Variants in TRAK2 observed in about 807,000 individuals in gnomAD.
TRAK2 encodes trafficking kinesin protein 2, also known as trafficking kinesin-binding protein 2.
Under a neutral mutation model 104.6 loss-of-function variants are expected in TRAK2, and 81 were observed. The ratio of observed to expected loss-of-function variants is 0.77; its 90% CI spans 0.65 to 0.93. The LOEUF (loss-of-function observed/expected upper bound fraction) is 0.93. Among genes scored for constraint, TRAK2 ranks in the 40% least tolerant of loss-of-function variants. The pLI is 0.00. For synonymous variants in TRAK2, 406 were observed against 394.4 expected (o/e 1.03, Z -0.35); for missense variants, 1,002 against 1,089.0 (o/e 0.92, Z 1.12).
At chr2:201,433,860 C>T (rs7597785) in intron 1 of TRAK2, among the ~76,000 whole-genome samples, 4,303 of 152,332 alleles carry the variant, frequency 0.028, 167 homozygotes, top group South Asian at 0.18. Context: ...CAATCCTCTG[C>T]CAAAACCATT....
Position 201,407,517 on chromosome 2 carries a change from C to T in TRAK2, c.172G>A (p.Val58Ile). Residue 58 changes from valine (V) to isoleucine (I), a missense_variant, in exon 3 of 16, where the codon GTA becomes ATA. By Grantham distance (29) the Val-to-Ile change is conservative. Coordinates refer to ENST00000332624, the MANE Select transcript of TRAK2 (RefSeq NM_015049.3). ...TTTTCATATAGAAAGAGAGTGTCTACTTTTAGCCTATACTGTGGTAGTTGT... is the reference window on the plus strand; with the variant it reads ...TTTTCATATAGAAAGAGAGTGTCTATTTTTAGCCTATACTGTGGTAGTTGT... ...EEQLPQYRLKVDTLFLYENQD... is the reference protein window; with the variant it reads ...EEQLPQYRLKIDTLFLYENQD... The T allele has an allele frequency of 6.2e-7, 1 of 1,614,126 alleles. No homozygotes were observed. Among genetic ancestry groups the T allele is most frequent in the East Asian group, 2.2e-5 (1 of 44,880 alleles).
chr2:201,437,890 CAG>C (rs749237437), intron 1 of TRAK2, among the ~76,000 whole-genome samples: 9 of 152,186 alleles, frequency 5.9e-5, no homozygotes, highest in Non-Finnish European at 1.2e-4. Context: ...GTTTTTCATG[CAG>C]ACTTTCTTAT....
chr2:201,392,763 G>A, intron 10 of TRAK2, 146 bp downstream of exon 10: 2 of 711,668 alleles, frequency 2.8e-6, no homozygotes, highest in South Asian at 4.3e-5. Flanking sequence ...ATACAAATTA[G>A]GGCCTAAATC....
In TRAK2 at chr2:201,420,427, C is replaced by T. The variant is rs147712080; in HGVS notation, c.81G>A (p.Glu27=). 3.6e-5 allele frequency: 58 copies of T among 1,613,808 alleles called. No individual in the cohort carries two copies. The African/African-American group carries it at 7.1e-4, about 20-fold the overall frequency. The part of the protein sequence containing the change: ...NLMNSNHRDS[E]SITDVCSNED... ...TTAAACTGGACTTACCAGTGATGCT[C>T]TCCGAGTCTCTGTGATTGCTATTCA... The change falls in exon 2 of 16, where the codon GAG becomes GAA. Residue 27 remains glutamate (E), a synonymous_variant. Coordinates refer to ENST00000332624, the MANE Select transcript of TRAK2 (RefSeq NM_015049.3).
intron 10 of TRAK2, among the ~76,000 whole-genome samples, chr2:201,392,420 T>C (rs935762722): frequency 2.0e-5 from 3 of 152,152 alleles, no homozygotes; most frequent in Non-Finnish European, 2.9e-5. Context: ...AATTCTAATA[T>C]AAACTCAGAA....
chr2:201,432,111 G>A (rs1951847028), intron 1 of TRAK2, among the ~76,000 whole-genome samples: 1 of 152,098 alleles, frequency 6.6e-6, no homozygotes. Flanking sequence ...ACAATGTTGG[G>A]CACAATCTAC....
intron 10 of TRAK2, among the ~76,000 whole-genome samples, chr2:201,390,167 C>CA (rs2125642691): frequency 1.3e-5 from 2 of 152,192 alleles, no homozygotes; most frequent in African/African-American, 4.8e-5. Flanking sequence ...CCAGTGTTGA[C>CA]AGTGATGCTG....
chr2:201,419,927 G>A (rs1313283481), intron 2 of TRAK2, among the ~76,000 whole-genome samples: 2 of 152,326 alleles, frequency 1.3e-5, no homozygotes, highest in African/African-American at 4.8e-5. Flanking sequence ...TCTAGAAACA[G>A]CCAAAGTCTG....
At chr2:201,384,001 G>T in intron 15 of TRAK2, 110 bp downstream of exon 15, 1 of 741,406 alleles carries the variant, frequency 1.3e-6, no homozygotes, top group Non-Finnish European at 2.3e-6. Flanking sequence ...CATTATCACA[G>T]AACATTAATT....
chr2:201,394,755 ACT>A (rs748755777), intron 9 of TRAK2, 41 bp downstream of exon 9: 1 of 1,460,338 alleles, frequency 6.8e-7, no homozygotes, highest in East Asian at 2.3e-5. Context: ...GAAACTAGTC[ACT>A]CTTTCCCCTC....
intron 1 of TRAK2, among the ~76,000 whole-genome samples, chr2:201,450,808 T>G: frequency 6.6e-6 from 1 of 152,192 alleles, no homozygotes; most frequent in Admixed American, 6.5e-5. Context: ...ATTCAATTTT[T>G]GGGCTGCTAC....
intron 3 of TRAK2, among the ~76,000 whole-genome samples, chr2:201,402,197 G>C (rs914516516): frequency 2.6e-5 from 4 of 152,012 alleles, no homozygotes; most frequent in Non-Finnish European, 5.9e-5. Flanking sequence ...AGAACTGGTA[G>C]GTATGAAATG....
At chr2:201,432,759 A>G (rs1951852217) in intron 1 of TRAK2, among the ~76,000 whole-genome samples, 1 of 152,232 alleles carries the variant, frequency 6.6e-6, no homozygotes, top group Non-Finnish European at 1.5e-5. Context: ...GAAGGCTAAA[A>G]CAACTCTGGG....
At chr2:201,410,502 C>T in intron 2 of TRAK2, 1 of 849,050 alleles carries the variant, frequency 1.2e-6, no homozygotes, top group Non-Finnish European at 1.9e-6. Context: ...TAAATCAGCT[C>T]ACCCATGATT....
Position 201,447,094 on chromosome 2 carries a change from T to C in TRAK2, c.-200+4256A>G, listed in dbSNP as rs1951970608. On this transcript the variant is annotated intron_variant, in intron 1 of 15. Coordinates refer to ENST00000332624, the MANE Select transcript of TRAK2 (RefSeq NM_015049.3). This position sits in a 1 kb window ranked among gnomAD's most constrained non-coding sequence, Gnocchi z 4.1. ...ACCTTGGTTACCTTGTCTCCGGTCT[T>C]ATTACCTTTCATTTATCCTTTACAA... Among the ~76,000 whole-genome samples the C allele has an allele frequency of 6.6e-6, 1 of 152,238 alleles. No homozygotes were observed. Among genetic ancestry groups the C allele is most frequent in the Non-Finnish European group, 1.5e-5 (1 of 68,040 alleles).
chr2:201,407,644 T>C (rs1951607431), intron 2 of TRAK2, 47 bp from the exon 3 acceptor site: 1 of 1,500,488 alleles, frequency 6.7e-7, no homozygotes, highest in Admixed American at 2.2e-5. Flanking sequence ...TTTCAACTTT[T>C]ACTAGGCTAC....
In TRAK2 at chr2:201,379,723, A is replaced by C. The variant is rs1951321188; in HGVS notation, c.*820T>G. On this transcript the variant is annotated 3_prime_UTR_variant, in exon 16 of 16. Transcript: ENST00000332624. ...TATTCCTTGGCTACTGTACTTATTC[A>C]GACGAAATATTCTAAAAACAAGTTT... is the stretch of plus-strand genomic sequence containing the variant. 2 of 152,652 alleles carry C rather than the reference A, an allele frequency of 1.3e-5. No homozygotes were observed. The highest frequency in any genetic ancestry group is 4.2e-4 in the South Asian group (2 of 4,818). 9.5% of individuals were successfully genotyped at this position (152,652 alleles called of 1,614,324 possible). A position where few individuals can be genotyped will look rare whatever the true frequency, so the allele number is the denominator to read the frequency against.
chr2:201,397,616 T>C (rs1473971002), intron 6 of TRAK2, 36 bp from the exon 7 acceptor site: 2 of 1,386,168 alleles, frequency 1.4e-6, no homozygotes, highest in East Asian at 2.3e-5. Flanking sequence ...CAATACCTTC[T>C]AGTGATTTTA....
rs550842220 is a variant in TRAK2 at position 201,388,092 on chromosome 2, C to G, written c.1398-91G>C. 3.7e-6 allele frequency: 5 copies of G among 1,339,404 alleles called. No homozygotes were observed. The East Asian group carries it at 1.2e-4, about 31-fold the overall frequency. 83.0% of individuals were successfully genotyped at this position (1,339,404 alleles called of 1,614,324 possible). A position where few individuals can be genotyped will look rare whatever the true frequency, so the allele number is the denominator to read the frequency against. On this transcript the variant is annotated intron_variant, in intron 12 of 15. Transcript: ENST00000332624. Reference sequence around the variant, plus strand: ...TCTATAATGGTAAGCATTCAAGAGACTGATATTAAAAACATGATATTTTCC... The same window carrying G: ...TCTATAATGGTAAGCATTCAAGAGAGTGATATTAAAAACATGATATTTTCC...
Sources: allele counts gnomAD v4.1 joint callset (sites outside exome capture counted in the v4.1 genomes callset), GRCh38; gene constraint gnomAD v4.1.1; non-coding constraint Gnocchi (gnomAD v3.1); transcripts MANE v1.5; gene names NCBI Gene and HGNC (gene_info 2026-07-23, HGNC 2026-07-21).